The following PTPRD variants were observed in gnomAD, a reference collection of about 807,000 sequenced individuals.
PTPRD encodes receptor-type tyrosine-protein phosphatase delta.
In PTPRD, 34 loss-of-function variants were observed where a neutral mutation model predicts 214.5. The ratio of observed to expected loss-of-function variants is 0.16; its 90% CI spans 0.12 to 0.21. The LOEUF (loss-of-function observed/expected upper bound fraction) is 0.21, where lower values mean the gene tolerates loss of function less well. Ranked by LOEUF, PTPRD falls within the 10% of genes least tolerant of loss-of-function variation. The pLI, the probability that PTPRD is intolerant of heterozygous loss-of-function variation, is 1.00. For missense variants in PTPRD, 2,545 were observed against 2,398.7 expected (o/e 1.06, Z -1.27); for synonymous variants, 1,128 against 845.7 (o/e 1.33, Z -5.79).
chr9:9,889,250 G>A (rs913428073), intron 5 of PTPRD, among the ~76,000 whole-genome samples: 9 of 152,088 alleles, frequency 5.9e-5, no homozygotes, highest in Non-Finnish European at 1.2e-4. Flanking sequence ...GAAAAATGCT[G>A]ACAGTGGACG....
chr9:9,070,818 C>G (rs377550555), intron 10 of PTPRD, among the ~76,000 whole-genome samples: 24 of 152,170 alleles, frequency 1.6e-4, no homozygotes, highest in African/African-American at 5.1e-4. Flanking sequence ...AGCAGTGTGT[C>G]TAGTTTAAGT....
chr9:10,483,201 T>C (rs1172352103), intron 2 of PTPRD, among the ~76,000 whole-genome samples: 4 of 152,184 alleles, frequency 2.6e-5, no homozygotes, highest in African/African-American at 9.6e-5. Context: ...TTCTATTCCA[T>C]ATATTTTGCT....
chr9:9,524,298 GTCTC>G (rs1480257772), intron 8 of PTPRD, among the ~76,000 whole-genome samples: 1 of 151,822 alleles, frequency 6.6e-6, no homozygotes, highest in South Asian at 2.1e-4. Context: ...TCCCTCTCCA[GTCTC>G]TCTCTTTCTT....
chr9:9,450,044 C>T (rs7040676), intron 8 of PTPRD, among the ~76,000 whole-genome samples: 14 of 151,844 alleles, frequency 9.2e-5, no homozygotes, highest in African/African-American at 2.9e-4. Context: ...CCAACCAAAG[C>T]GCTGCAAAGG....
chr9:9,221,452 A>G (rs2099955955), intron 9 of PTPRD, among the ~76,000 whole-genome samples: 1 of 152,086 alleles, frequency 6.6e-6, no homozygotes, highest in African/African-American at 2.4e-5. Flanking sequence ...TGAATGGCTT[A>G]AAGGACAGAA....
chr9:10,469,213 T>C (rs1331540216), intron 2 of PTPRD, among the ~76,000 whole-genome samples: 1 of 152,166 alleles, frequency 6.6e-6, no homozygotes, highest in Non-Finnish European at 1.5e-5. Flanking sequence ...ACTTCAGTTA[T>C]GAAGTAGACC....
chr9:8,366,581 C>T (rs893627623), intron 39 of PTPRD, among the ~76,000 whole-genome samples: 1 of 152,144 alleles, frequency 6.6e-6, no homozygotes, highest in Admixed American at 6.5e-5. Flanking sequence ...GAAATCTGAA[C>T]CCTCAAAAAT....
At chr9:10,138,721 T>C (rs143462205) in intron 3 of PTPRD, among the ~76,000 whole-genome samples, 1 of 152,170 alleles carries the variant, frequency 6.6e-6, no homozygotes, top group Non-Finnish European at 1.5e-5. Flanking sequence ...ATAGGCTTTC[T>C]TCCTGGGATG....
chr9:9,151,633 T>C (rs181336180), intron 10 of PTPRD, among the ~76,000 whole-genome samples: 1 of 152,224 alleles, frequency 6.6e-6, no homozygotes, highest in African/African-American at 2.4e-5. Context: ...AAACCCATCT[T>C]GGAAGATTAA....
intron 12 of PTPRD, among the ~76,000 whole-genome samples, chr9:8,672,903 C>G (rs1596554845): frequency 6.6e-6 from 1 of 152,150 alleles, no homozygotes; most frequent in East Asian, 1.9e-4. Flanking sequence ...TCCTCTCAAT[C>G]TTTCTGTTTC....
intron 39 of PTPRD, among the ~76,000 whole-genome samples, chr9:8,353,816 AAATATATGTATATATGT>A (rs1293213125): frequency 6.8e-5 from 3 of 44,024 alleles, no homozygotes; most frequent in African/African-American, 2.9e-4. Context: ...TCTCAAAAAA[AAATATATGTATATATGT>A]ATATATGTAT....
intron 4 of PTPRD, among the ~76,000 whole-genome samples, chr9:9,993,228 C>G (rs914966922): frequency 6.6e-6 from 1 of 152,118 alleles, no homozygotes; most frequent in Non-Finnish European, 1.5e-5. Context: ...CATCATTTGG[C>G]TATATCTACT....
At chr9:9,157,868 C>T (rs559022972) in intron 10 of PTPRD, among the ~76,000 whole-genome samples, 1 of 152,264 alleles carries the variant, frequency 6.6e-6, no homozygotes, top group South Asian at 2.1e-4. Flanking sequence ...TGATGCTCTC[C>T]CTTGCCTGAC....
intron 14 of PTPRD, among the ~76,000 whole-genome samples, chr9:8,563,013 T>A (rs1430857454): frequency 2.6e-5 from 4 of 152,138 alleles, no homozygotes; most frequent in Non-Finnish European, 4.4e-5. Flanking sequence ...AGTAGATAAA[T>A]AAACTGATAT....
At chr9:8,779,370 C>A (rs993887548) in intron 11 of PTPRD, among the ~76,000 whole-genome samples, 3 of 151,886 alleles carry the variant, frequency 2.0e-5, no homozygotes, top group Admixed American at 1.3e-4. Context: ...TCTCAGTTAT[C>A]TGTCAGCCTT....
chr9:10,284,154 C>A (rs1003532775), intron 3 of PTPRD, among the ~76,000 whole-genome samples: 1 of 152,094 alleles, frequency 6.6e-6, no homozygotes, highest in African/African-American at 2.4e-5. Flanking sequence ...AGTTAGGTGT[C>A]CTAGTCTTGC....
chr9:8,651,943 C>A (rs1052926077), intron 12 of PTPRD, among the ~76,000 whole-genome samples: 1 of 152,182 alleles, frequency 6.6e-6, no homozygotes, highest in Non-Finnish European at 1.5e-5. Context: ...TAATTTGTAT[C>A]CCCAGGCAGT....
rs1822054416 is a variant in PTPRD at position 8,316,706 on chromosome 9, G to GAT, written c.*1167_*1168insAT. On this transcript the variant is annotated 3_prime_UTR_variant, in exon 46 of 46. Transcript: ENST00000381196. ...CAAACAAACAAAACAATTTGTGGAT[G>GAT]TGATTGATTGGTTAGGTGGGGGTAG... is the stretch of plus-strand genomic sequence containing the variant. 1.7e-5 allele frequency: 4 copies of GAT among 230,828 alleles called. No individual in the cohort carries two copies. Among genetic ancestry groups the GAT allele is most frequent in the Non-Finnish European group, 1.7e-5 (2 of 116,428 alleles). The allele number at this position is 230,828 out of a possible 1,614,324, so 14.3% of individuals were successfully genotyped here. A position where few individuals can be genotyped will look rare whatever the true frequency, so the allele number is the denominator to read the frequency against.
At chr9:8,793,707 AAGAC>A (rs1302868373) in intron 11 of PTPRD, among the ~76,000 whole-genome samples, 1 of 152,224 alleles carries the variant, frequency 6.6e-6, no homozygotes, top group Non-Finnish European at 1.5e-5. Context: ...CATTTTTAAA[AAGAC>A]AGACAAGACT....
Sources: gnomAD v4.1 joint callset for allele counts (sites outside exome capture counted in the v4.1 genomes callset) on GRCh38, gnomAD v4.1.1 for gene constraint, MANE v1.5 for transcripts, NCBI Gene and HGNC (gene_info 2026-07-23, HGNC 2026-07-21) for gene names.